Variants in LARP1 observed in about 807,000 individuals in gnomAD.
The protein encoded by LARP1 is La ribonucleoprotein 1, translational regulator.
LARP1 carries 36 observed loss-of-function variants against 122.7 expected under a neutral mutation model. The ratio of observed to expected loss-of-function variants is 0.29; its 90% CI spans 0.22 to 0.39. The LOEUF is 0.39. Among genes scored for constraint, LARP1 ranks in the 10% least tolerant of loss-of-function variants. The pLI is 1.00. For synonymous variants in LARP1, 539 were observed against 528.7 expected, an observed-to-expected ratio of 1.02 and a Z score of -0.27; for missense variants, 1,040 against 1,403.6, an observed-to-expected ratio of 0.74 and a Z score of 4.14.
intron 1 of LARP1, among the ~76,000 whole-genome samples, chr5:154,692,272 CT>C (rs1754258907): frequency 6.6e-6 from 1 of 152,228 alleles, no homozygotes; most frequent in Non-Finnish European, 1.5e-5. Flanking sequence ...GTTCAGGAGT[CT>C]ACCAGTTCCT....
intron 1 of LARP1, among the ~76,000 whole-genome samples, chr5:154,696,482 A>C (rs1249715382): frequency 6.6e-6 from 1 of 152,192 alleles, no homozygotes; most frequent in Non-Finnish European, 1.5e-5. Flanking sequence ...GCAAAATGAT[A>C]ATGGGAAATG....
intron 3 of LARP1, among the ~76,000 whole-genome samples, chr5:154,791,738 A>G (rs770206339): frequency 5.3e-5 from 8 of 152,176 alleles, no homozygotes; most frequent in Non-Finnish European, 8.8e-5. Context: ...TACATATATG[A>G]AAAGTTGGCC....
chr5:154,796,175 TTATATATATATTTTA>T (rs1394227606), intron 8 of LARP1, among the ~76,000 whole-genome samples: 1 of 130,894 alleles, frequency 7.6e-6, no homozygotes, highest in Non-Finnish European at 1.6e-5. Flanking sequence ...TATTTATATA[TTATATATATATTTTA>T]TATATATATA....
chr5:154,721,918 C>G (rs192218789), intron 1 of LARP1, among the ~76,000 whole-genome samples: 1 of 152,278 alleles, frequency 6.6e-6, no homozygotes, highest in Admixed American at 6.5e-5. Flanking sequence ...ATCCCATTCA[C>G]CCAGCACAAT....
chr5:154,756,713 A>G (rs1753953501), intron 1 of LARP1, among the ~76,000 whole-genome samples: 1 of 152,002 alleles, frequency 6.6e-6, no homozygotes, highest in Non-Finnish European at 1.5e-5. Flanking sequence ...AAAGTTAACA[A>G]GTTTTGTTCT....
At chr5:154,792,176 C>G (rs1478791224) in intron 3 of LARP1, among the ~76,000 whole-genome samples, 1 of 152,214 alleles carries the variant, frequency 6.6e-6, no homozygotes, top group Non-Finnish European at 1.5e-5. Flanking sequence ...GACTCCTAGT[C>G]AGTTCTCTTC....
At chr5:154,797,522 C>G (rs893933395) in intron 8 of LARP1, among the ~76,000 whole-genome samples, 1 of 151,840 alleles carries the variant, frequency 6.6e-6, no homozygotes, top group Non-Finnish European at 1.5e-5. Context: ...CATGAGCTAC[C>G]GCGCCCGGCC....
At chr5:154,705,138 A>G (rs1448508041) in intron 1 of LARP1, among the ~76,000 whole-genome samples, 11 of 148,240 alleles carry the variant, frequency 7.4e-5, no homozygotes, top group Non-Finnish European at 1.2e-4. Context: ...AAAAAAAGGC[A>G]AAGGACATGA....
At chr5:154,738,708 CA>C (rs1441060771) in intron 1 of LARP1, among the ~76,000 whole-genome samples, 1 of 152,036 alleles carries the variant, frequency 6.6e-6, no homozygotes, top group East Asian at 1.9e-4. Context: ...ATTTTTGATC[CA>C]AAATGCTGAC....
chr5:154,785,751 G>A (rs1270055208), intron 1 of LARP1, among the ~76,000 whole-genome samples: 2 of 152,090 alleles, frequency 1.3e-5, no homozygotes, highest in Non-Finnish European at 2.9e-5. Context: ...GAGGTCGTGT[G>A]GTCATTAACC....
upstream of LARP1, among the ~76,000 whole-genome samples, chr5:154,755,119 G>A (rs923193334): frequency 1.3e-5 from 2 of 151,688 alleles, no homozygotes; most frequent in Admixed American, 6.6e-5. Flanking sequence ...GCCCCCGTCC[G>A]GTCTGAGCGT....
chr5:154,775,264 C>A (rs944524347), intron 1 of LARP1, among the ~76,000 whole-genome samples: 1 of 152,164 alleles, frequency 6.6e-6, no homozygotes, highest in Non-Finnish European at 1.5e-5. Flanking sequence ...TGTGCCACTG[C>A]ACTCCAGCCT....
At chr5:154,790,410 C>G in intron 2 of LARP1, 24 bp downstream of exon 2, 1 of 1,606,764 alleles carries the variant, frequency 6.2e-7, no homozygotes, top group Admixed American at 1.7e-5. Context: ...GTGGGCAACC[C>G]AAGGGGACTT....
chr5:154,806,760 A>G (rs553905827), intron 15 of LARP1, among the ~76,000 whole-genome samples: 2 of 152,296 alleles, frequency 1.3e-5, no homozygotes, highest in South Asian at 2.1e-4. Flanking sequence ...TTCTTGATTC[A>G]TCCACTTCAC....
chr5:154,711,020 A>G (rs1755191750), upstream of LARP1, among the ~76,000 whole-genome samples: 1 of 152,054 alleles, frequency 6.6e-6, no homozygotes, highest in South Asian at 2.1e-4. Context: ...AGTGGAAAGG[A>G]ACCCCACAGG....
At chr5:154,808,733 A>T (rs1200663051) in intron 16 of LARP1, 130 bp downstream of exon 16, 2 of 970,594 alleles carry the variant, frequency 2.1e-6, no homozygotes, top group Admixed American at 3.2e-5. Flanking sequence ...TTGATGAAAA[A>T]TTTGTTTTTA....
chr5:154,786,725 C>T, intron 1 of LARP1: 1 of 252,522 alleles, frequency 4.0e-6, no homozygotes, highest in Non-Finnish European at 8.2e-6. Context: ...TTCTGGTGAG[C>T]TGTTGAGGAG....
chr5:154,708,172 G>A (rs1755040841), upstream of LARP1, among the ~76,000 whole-genome samples: 2 of 152,190 alleles, frequency 1.3e-5, no homozygotes, highest in African/African-American at 4.8e-5. Flanking sequence ...AGAAGGCACT[G>A]GCTCAGTCTC....
chr5:154,689,866 C>T (rs10070715), intron 1 of LARP1, among the ~76,000 whole-genome samples: 100,632 of 151,338 alleles, frequency 0.66, 33,662 homozygotes, highest in Non-Finnish European at 0.7. Context: ...CACCTGAGGT[C>T]GGGAGTTCGA....
Sources: gnomAD v4.1 joint callset for allele counts (sites outside exome capture counted in the v4.1 genomes callset) on GRCh38, gnomAD v4.1.1 for gene constraint, MANE v1.5 for transcripts, NCBI Gene and HGNC (gene_info 2026-07-23, HGNC 2026-07-21) for gene names.